Variants in ART3 observed in about 807,000 individuals in gnomAD.
ART3 encodes ADP-ribosyltransferase 3 (inactive).
Under a neutral mutation model 48.5 loss-of-function variants are expected in ART3, and 49 were observed. The ratio of observed to expected loss-of-function variants is 1.01; its 90% confidence interval spans 0.80 to 1.28. The LOEUF is 1.28. Among genes scored for constraint, ART3 ranks in the 50% most tolerant of loss-of-function variants. The pLI, the probability that ART3 is intolerant of heterozygous loss-of-function variation, is 0.00. For synonymous variants in ART3, 145 were observed against 157.2 expected (o/e 0.92, Z 0.58); for missense variants, 438 against 454.3 (o/e 0.96, Z 0.33).
upstream of ART3, among the ~76,000 whole-genome samples, chr4:76,072,975 T>C (rs1720477294): frequency 6.6e-6 from 1 of 152,228 alleles, no homozygotes; most frequent in African/African-American, 2.4e-5. Context: ...AAACACTCCA[T>C]GCGCTCCTAG....
chr4:76,022,089 T>G (rs1732886352), intron 1 of ART3: 1 of 867,434 alleles, frequency 1.2e-6, no homozygotes, highest in African/African-American at 1.7e-5. Flanking sequence ...TTATAGGGGT[T>G]GCTTTTTTCA....
intron 3 of ART3, among the ~76,000 whole-genome samples, chr4:76,082,975 A>C (rs1722807099): frequency 6.6e-6 from 1 of 152,178 alleles, no homozygotes; most frequent in Non-Finnish European, 1.5e-5. Flanking sequence ...TATAAGGCTT[A>C]CAATAAATAA....
intron 1 of ART3, among the ~76,000 whole-genome samples, chr4:76,047,499 G>A (rs1333232529): frequency 1.3e-5 from 2 of 152,004 alleles, no homozygotes; most frequent in Non-Finnish European, 2.9e-5. Context: ...GCCTCTCATA[G>A]CCGCTCGGGG....
intron 1 of ART3, among the ~76,000 whole-genome samples, chr4:76,068,570 A>G (rs1719970027): frequency 6.6e-6 from 1 of 152,166 alleles, no homozygotes; most frequent in African/African-American, 2.4e-5. Flanking sequence ...AGTGGAAGCC[A>G]AATCATGAGA....
chr4:76,063,007 T>C (rs925865389), intron 1 of ART3, among the ~76,000 whole-genome samples: 9 of 152,174 alleles, frequency 5.9e-5, no homozygotes, highest in Non-Finnish European at 1.3e-4. Flanking sequence ...TTTTGCTAAA[T>C]TTCACTCTCT....
At chr4:76,078,356 G>A (rs1382518707) in intron 2 of ART3, among the ~76,000 whole-genome samples, 1 of 152,132 alleles carries the variant, frequency 6.6e-6, no homozygotes, top group Non-Finnish European at 1.5e-5. Context: ...TAAGGAATGT[G>A]GGAGGTGTTT....
At chr4:76,112,347 A>G (rs751572334) in intron 11 of ART3, 39 bp from the exon 12 acceptor site, 1 of 1,574,864 alleles carries the variant, frequency 6.3e-7, no homozygotes, top group African/African-American at 1.4e-5. Context: ...ACTTGACATA[A>G]AAAATGATGT....
At chr4:76,023,804 T>G (rs1733115696) in intron 1 of ART3, among the ~76,000 whole-genome samples, 1 of 152,248 alleles carries the variant, frequency 6.6e-6, no homozygotes, top group South Asian at 2.1e-4. Flanking sequence ...CTATAATGCT[T>G]TTTCTCAACA....
rs990528404 is a variant in ART3 at position 76,103,838 on chromosome 4, T to TTC, written c.938-98_938-97insCT. The TTC allele has an allele frequency of 2.7e-6, 3 of 1,119,028 alleles. No homozygotes were observed. The African/African-American group carries it at 4.8e-5, about 18-fold the overall frequency. The allele number at this position is 1,119,028 out of a possible 1,614,324, so 69.3% of individuals were successfully genotyped here. On this transcript the variant is annotated intron_variant, in intron 8 of 11. Coordinates refer to ENST00000355810, the MANE Select transcript of ART3 (RefSeq NM_001130016.3). ...TTTTCTTTCCCCCTGCCTTTTTTTTTTTTTGAAAGTTGGAAATGGAGGAAA... is the reference window on the plus strand; with the variant it reads ...TTTTCTTTCCCCCTGCCTTTTTTTTTTCTTTTGAAAGTTGGAAATGGAGGAAA...
At chr4:76,042,584 C>T (rs1476242489) in intron 1 of ART3, among the ~76,000 whole-genome samples, 4 of 152,180 alleles carry the variant, frequency 2.6e-5, no homozygotes, top group Admixed American at 6.5e-5. Flanking sequence ...AATGAAGCCA[C>T]GGACCCTCGC....
intron 1 of ART3, among the ~76,000 whole-genome samples, chr4:76,019,984 T>C (rs964657570): frequency 2.0e-5 from 3 of 152,152 alleles, no homozygotes; most frequent in African/African-American, 7.2e-5. Context: ...TTTGCCAGTT[T>C]AGTGGTGTGA....
intron 3 of ART3, among the ~76,000 whole-genome samples, chr4:76,092,792 A>T (rs1725194191): frequency 6.6e-6 from 1 of 152,170 alleles, no homozygotes; most frequent in Admixed American, 6.5e-5. Flanking sequence ...GGTTGTCCCC[A>T]GCTCAATGAA....
intron 11 of ART3, among the ~76,000 whole-genome samples, chr4:76,110,934 C>G (rs1035972169): frequency 4.7e-5 from 7 of 149,072 alleles, no homozygotes; most frequent in African/African-American, 1.2e-4. Context: ...ATACACAAAT[C>G]TATTGTAAAA....
intron 2 of ART3, among the ~76,000 whole-genome samples, chr4:76,081,349 C>T (rs182483253): frequency 6.6e-6 from 1 of 152,152 alleles, no homozygotes; most frequent in African/African-American, 2.4e-5. Flanking sequence ...TCATTTCTAC[C>T]CAGGCCATAT....
chr4:76,075,061 C>T (rs1281823149), intron 1 of ART3, among the ~76,000 whole-genome samples: 1 of 152,104 alleles, frequency 6.6e-6, no homozygotes, highest in African/African-American at 2.4e-5. Flanking sequence ...CCAAAATGAT[C>T]TATAAAAGGG....
At chr4:76,102,875 C>T (rs750457003) in intron 8 of ART3, among the ~76,000 whole-genome samples, 14 of 151,876 alleles carry the variant, frequency 9.2e-5, no homozygotes, top group South Asian at 2.1e-4. Flanking sequence ...AATTTTGGGT[C>T]GAGGTCTTTG....
At chr4:76,061,720 C>T (rs1719235107) in intron 1 of ART3, among the ~76,000 whole-genome samples, 1 of 152,198 alleles carries the variant, frequency 6.6e-6, no homozygotes, top group Admixed American at 6.5e-5. Flanking sequence ...TTTTCTTGAA[C>T]ATGTGCTATG....
chr4:76,099,154 T>G (rs1265171220), intron 5 of ART3, 167 bp downstream of exon 5: 2 of 619,328 alleles, frequency 3.2e-6, no homozygotes, highest in Admixed American at 2.3e-5. Flanking sequence ...ATACAAAACT[T>G]AGCCAGGCAT....
At chr4:76,055,445 C>G (rs927135147) in intron 1 of ART3, among the ~76,000 whole-genome samples, 14 of 152,136 alleles carry the variant, frequency 9.2e-5, no homozygotes, top group Non-Finnish European at 1.8e-4. Flanking sequence ...AGAAAGTGGG[C>G]CTTTAAGAGT....
Sources: gnomAD v4.1 joint callset for allele counts (sites outside exome capture counted in the v4.1 genomes callset) on GRCh38, gnomAD v4.1.1 for gene constraint, MANE v1.5 for transcripts, NCBI Gene and HGNC (gene_info 2026-07-23, HGNC 2026-07-21) for gene names.